CORO2A: variants seen among roughly 807,000 people sequenced by gnomAD.
CORO2A encodes coronin 2A, also known as coronin-2A.
In CORO2A, 47 loss-of-function variants were observed where a neutral mutation model predicts 62.4. That is an observed-to-expected ratio of 0.75 (90% confidence interval 0.60 to 0.96). The LOEUF (loss-of-function observed/expected upper bound fraction) is 0.96. Among genes scored for constraint, CORO2A ranks in the 40% least tolerant of loss-of-function variants. The pLI is 0.00. For synonymous variants in CORO2A, 273 were observed against 268.9 expected, an observed-to-expected ratio of 1.02 and a Z score of -0.15; for missense variants, 610 against 684.1, an observed-to-expected ratio of 0.89 and a Z score of 1.21.
intron 1 of CORO2A, among the ~76,000 whole-genome samples, chr9:98,187,210 G>C (rs1828250002): frequency 6.6e-6 from 1 of 150,670 alleles, no homozygotes; most frequent in Non-Finnish European, 1.5e-5. Flanking sequence ...ATGAACCCGG[G>C]AGGTGGAGCT....
chr9:98,132,263 C>G lies in CORO2A; in HGVS notation c.687G>C (p.Leu229=). Residue 229 remains leucine (L), a synonymous_variant, in exon 6 of 12, where the codon CTG becomes CTC. Transcript: ENST00000375077. ...TCAGCTTCTTCAGGTTCCCCAGAAA[C>G]AGCACTTTGCTGGCCCGGTGCCCTT... ...SYKGHRASKV[L]FLGNLKKLMS... 6.2e-7 allele frequency: 1 copy of G among 1,614,160 alleles called. No homozygotes were observed. The highest frequency in any genetic ancestry group is 8.5e-7 in the Non-Finnish European group (1 of 1,180,026).
chr9:98,163,687 G>T (rs1364728515), intron 1 of CORO2A, among the ~76,000 whole-genome samples: 1 of 150,902 alleles, frequency 6.6e-6, no homozygotes, highest in East Asian at 2.0e-4. Context: ...TATGCAATAT[G>T]CTCCTTTCTT....
At chr9:98,188,074 G>A (rs946938039) in intron 1 of CORO2A, among the ~76,000 whole-genome samples, 15 of 152,194 alleles carry the variant, frequency 9.9e-5, no homozygotes, top group Non-Finnish European at 1.8e-4. Context: ...CTCTTCTCCC[G>A]CCATCACTCT....
At chr9:98,131,235 C>T (rs558800014) in intron 6 of CORO2A, among the ~76,000 whole-genome samples, 176 bp from the exon 7 acceptor site, 1 of 152,032 alleles carries the variant, frequency 6.6e-6, no homozygotes, top group South Asian at 2.1e-4. Context: ...TCTTGAGTTC[C>T]AATGTGTGGG....
intron 1 of CORO2A, among the ~76,000 whole-genome samples, chr9:98,170,716 T>C (rs956527813): frequency 1.3e-5 from 2 of 152,178 alleles, no homozygotes; most frequent in African/African-American, 4.8e-5. Flanking sequence ...GTGCTGAGAT[T>C]ACAGGTGTGA....
At chr9:98,165,800 C>T (rs978604524) in intron 1 of CORO2A, among the ~76,000 whole-genome samples, 2 of 152,220 alleles carry the variant, frequency 1.3e-5, no homozygotes, top group Non-Finnish European at 2.9e-5. Context: ...TGCAGTCCCC[C>T]ATTAACCATA....
At position 98,192,554 on chromosome 9, in the gene CORO2A, C is replaced by T. The variant is rs2118954439; in HGVS notation, c.-1+5G>A. The T allele has an allele frequency of 6.6e-6, 1 of 151,784 alleles. No homozygotes were observed. Among genetic ancestry groups the T allele is most frequent in the South Asian group, 2.1e-4 (1 of 4,846 alleles). The allele number at this position is 151,784 out of a possible 1,614,324, so 9.4% of individuals were successfully genotyped here. A position where few individuals can be genotyped will look rare whatever the true frequency, so the allele number is the denominator to read the frequency against. ...GGCACGGCCGGCGGCGCAGGGCCGC[C>T]CTACCTTGATGACTGCCGCGCAGGT... On this transcript the variant is annotated splice_donor_5th_base_variant and intron_variant, in intron 1 of 11. Coordinates refer to ENST00000375077, the MANE Select transcript of CORO2A (RefSeq NM_052820.4).
intron 7 of CORO2A, 80 bp from the exon 8 acceptor site, chr9:98,129,970 A>C: frequency 9.1e-7 from 1 of 1,101,666 alleles, no homozygotes; most frequent in Non-Finnish European, 1.4e-6. Flanking sequence ...GCCATGCAGC[A>C]AAGACCTGGC....
At chr9:98,147,456 G>T (rs34718287) in intron 2 of CORO2A, among the ~76,000 whole-genome samples, 26,468 of 152,074 alleles carry the variant, frequency 0.17, 2,457 homozygotes, top group African/African-American at 0.23. Context: ...GCTGAGGAAA[G>T]TTCATCATAT....
intron 1 of CORO2A, among the ~76,000 whole-genome samples, chr9:98,170,310 A>T (rs1396557569): frequency 6.6e-6 from 1 of 151,528 alleles, no homozygotes; most frequent in Non-Finnish European, 1.5e-5. Context: ...GGCCAACCTG[A>T]CTCCCAGCTT....
chr9:98,143,895 T>C (rs1827607701), intron 2 of CORO2A, among the ~76,000 whole-genome samples: 2 of 152,236 alleles, frequency 1.3e-5, no homozygotes, highest in African/African-American at 4.8e-5. Context: ...TGTTCCCATG[T>C]CTATAAGAAA....
chr9:98,189,898 T>A (rs796601046), intron 1 of CORO2A, among the ~76,000 whole-genome samples: 8 of 152,314 alleles, frequency 5.3e-5, no homozygotes, highest in African/African-American at 1.7e-4. Context: ...TTTTTTTTTT[T>A]TTTTGAGATG....
chr9:98,140,487 C>T (rs1019008979), intron 2 of CORO2A, among the ~76,000 whole-genome samples: 14 of 151,688 alleles, frequency 9.2e-5, no homozygotes, highest in Middle Eastern at 6.8e-3. Flanking sequence ...GTTGTCCAGG[C>T]TGGAGTGCAG....
intron 1 of CORO2A, among the ~76,000 whole-genome samples, chr9:98,185,808 C>T (rs1047104415): frequency 2.5e-4 from 38 of 152,210 alleles, no homozygotes; most frequent in Admixed American, 2.0e-4. Flanking sequence ...CAGGAGAGAC[C>T]CTGGCCCAAG....
At chr9:98,158,176 C>T (rs188718254) in intron 1 of CORO2A, among the ~76,000 whole-genome samples, 18 of 152,262 alleles carry the variant, frequency 1.2e-4, no homozygotes, top group African/African-American at 4.3e-4. Flanking sequence ...CTAGGCATGG[C>T]AGCTCATGCC....
chr9:98,183,116 G>C (rs760369899), intron 1 of CORO2A, among the ~76,000 whole-genome samples: 1 of 152,186 alleles, frequency 6.6e-6, no homozygotes, highest in East Asian at 1.9e-4. Flanking sequence ...GCCCTTCCCC[G>C]GCCTGGCGCC....
At chr9:98,129,464 C>G (rs1260108462) in intron 8 of CORO2A, among the ~76,000 whole-genome samples, 1 of 152,236 alleles carries the variant, frequency 6.6e-6, no homozygotes, top group African/African-American at 2.4e-5. Flanking sequence ...AGAGGCTCTT[C>G]TAGGTCAGCC....
intron 1 of CORO2A, among the ~76,000 whole-genome samples, chr9:98,181,246 C>A (rs1048214745): frequency 3.4e-4 from 50 of 146,276 alleles, no homozygotes; most frequent in Admixed American, 6.2e-4. Context: ...CCACGGGCAC[C>A]CACGTGGCCT....
intron 8 of CORO2A, 98 bp from the exon 9 acceptor site, chr9:98,128,817 A>C: frequency 1.1e-6 from 1 of 897,712 alleles, no homozygotes; most frequent in Non-Finnish European, 1.8e-6. Context: ...AACAGAGACC[A>C]GTCTCCTCCC....
Sources: gnomAD v4.1 joint callset for allele counts (sites outside exome capture counted in the v4.1 genomes callset) on GRCh38, gnomAD v4.1.1 for gene constraint, MANE v1.5 for transcripts, NCBI Gene and HGNC (gene_info 2026-07-23, HGNC 2026-07-21) for gene names.